HEPHL1: variants seen among roughly 807,000 people sequenced by gnomAD.
HEPHL1 encodes ferroxidase HEPHL1.
HEPHL1 carries 123 observed loss-of-function variants against 122.0 expected under a neutral mutation model. That is an observed-to-expected ratio of 1.01 (90% confidence interval 0.87 to 1.17). HEPHL1 has a LOEUF of 1.17. Ranked by LOEUF, HEPHL1 falls within the 50% of genes most tolerant of loss-of-function variation. The pLI is 0.00. For missense variants in HEPHL1, 1,452 were observed against 1,430.5 expected (o/e 1.01, Z -0.24); for synonymous variants, 527 against 508.9 (o/e 1.04, Z -0.48).
In HEPHL1 at chr11:94,096,231, C is replaced by T. The variant is rs569584714; in HGVS notation, c.2434+2591C>T. 1.4e-3 allele frequency among the ~76,000 whole-genome samples: 211 copies of T among 152,158 alleles called. 1 individual carries two copies. The highest frequency in any genetic ancestry group is 4.5e-3 in the African/African-American group (188 of 41,526). On this transcript the variant is annotated intron_variant, in intron 13 of 19. Transcript: ENST00000315765. ...TTTATTGAGAGTTTTTAGCATGAAG[C>T]GCTGTTGAATTTTTTCTAAGGTCTG...
At chr11:94,111,187 C>T in intron 18 of HEPHL1, 122 bp downstream of exon 18, 4 of 749,408 alleles carry the variant, frequency 5.3e-6, no homozygotes, top group Non-Finnish European at 8.6e-6. Flanking sequence ...GTAAGAGAGA[C>T]ATATATGTAA....
chr11:94,072,406 A>G (rs1388660139), intron 6 of HEPHL1, among the ~76,000 whole-genome samples: 1 of 152,152 alleles, frequency 6.6e-6, no homozygotes, highest in African/African-American at 2.4e-5. Context: ...TGAATGAGTT[A>G]AGGGAATGAA....
At chr11:94,090,349 T>G (rs1946255969) in intron 12 of HEPHL1, among the ~76,000 whole-genome samples, 1 of 152,230 alleles carries the variant, frequency 6.6e-6, no homozygotes, top group African/African-American at 2.4e-5. Flanking sequence ...CTTTGTCATG[T>G]GTACAATCTT....
Position 94,086,076 on chromosome 11 carries a change from T to A in HEPHL1, c.1967T>A (p.Met656Lys). 1 of 1,613,728 alleles carries A rather than the reference T, an allele frequency of 6.2e-7. No individual in the cohort carries two copies. The highest frequency in any genetic ancestry group is 8.5e-7 in the Non-Finnish European group (1 of 1,179,748). The change falls in exon 11 of 20, where the codon ATG (methionine) becomes AAG (lysine). Residue 656 changes from methionine to lysine, a missense_variant. Coordinates refer to ENST00000315765, the MANE Select transcript of HEPHL1 (RefSeq NM_001098672.2). ...ATTGGATTGGGCACTGACACTGACA[T>A]GCATGGAATTGTTTTTCAAGGGAAC... Reference protein sequence around the residue: ...HLIGLGTDTDMHGIVFQGNTI... With the variant: ...HLIGLGTDTDKHGIVFQGNTI...
intron 9 of HEPHL1, among the ~76,000 whole-genome samples, chr11:94,080,715 G>A (rs1946164006): frequency 6.6e-6 from 1 of 152,224 alleles, no homozygotes; most frequent in Admixed American, 6.5e-5. Flanking sequence ...GATCATTAGA[G>A]AAATGCAAAT....
intron 12 of HEPHL1, among the ~76,000 whole-genome samples, chr11:94,091,651 G>C (rs925464627): frequency 1.3e-5 from 2 of 152,210 alleles, no homozygotes; most frequent in African/African-American, 2.4e-5. Context: ...CTATGAGAGG[G>C]GAAGGGTAGA....
At chr11:94,066,009 T>A (rs1167978000) in intron 4 of HEPHL1, among the ~76,000 whole-genome samples, 4 of 150,096 alleles carry the variant, frequency 2.7e-5, no homozygotes, top group Middle Eastern at 3.5e-3. Context: ...CATAGGTAGA[T>A]CCGTTATCTA....
chr11:94,032,922 T>A (rs992025092), intron 1 of HEPHL1, among the ~76,000 whole-genome samples: 4 of 152,086 alleles, frequency 2.6e-5, no homozygotes, highest in Non-Finnish European at 5.9e-5. Flanking sequence ...ATGCCTCACG[T>A]GAGCATGCGT....
intron 1 of HEPHL1, among the ~76,000 whole-genome samples, chr11:94,038,168 G>GA (rs1945742985): frequency 6.6e-6 from 1 of 150,824 alleles, no homozygotes; most frequent in Non-Finnish European, 1.5e-5. Context: ...GAAGTTTAGA[G>GA]AAAAAAGAAT....
intron 13 of HEPHL1, among the ~76,000 whole-genome samples, chr11:94,096,554 C>T (rs1279812914): frequency 6.6e-6 from 1 of 152,120 alleles, no homozygotes; most frequent in African/African-American, 2.4e-5. Flanking sequence ...GGGAGGATTC[C>T]CTCTTTTTCT....
chr11:94,101,060 T>C (rs1946363517), intron 13 of HEPHL1, 135 bp from the exon 14 acceptor site: 14 of 838,756 alleles, frequency 1.7e-5, no homozygotes, highest in Non-Finnish European at 2.7e-5. Context: ...TAAAGTGGAG[T>C]AGAGTTATAT....
chr11:94,082,110 G>A (rs1047575252), intron 9 of HEPHL1, among the ~76,000 whole-genome samples: 5 of 152,208 alleles, frequency 3.3e-5, no homozygotes, highest in East Asian at 1.9e-4. Flanking sequence ...AGGGCTGGCA[G>A]GTCAGGGTAA....
intron 13 of HEPHL1, among the ~76,000 whole-genome samples, chr11:94,095,405 G>T (rs1250752223): frequency 1.3e-5 from 2 of 152,214 alleles, no homozygotes; most frequent in Non-Finnish European, 2.9e-5. Context: ...CAGCCTTGTA[G>T]TACAGTTTGA....
Position 94,067,745 on chromosome 11 carries a change from T to C in HEPHL1, c.1058T>C (p.Leu353Pro). ...WMITCQVSDH[L>P]QAGMLGQYNV... ...ATAACCTGCCAGGTCAGCGACCACC[T>C]ACAAGGTAAAAAGGATAAAGACCAG... is the stretch of plus-strand genomic sequence containing the variant. The change falls in exon 5 of 20, where the codon CTA becomes CCA. Residue 353 changes from leucine (L) to proline (P), a missense_variant. By Grantham distance (98) the Leu-to-Pro change is moderately conservative. Coordinates refer to ENST00000315765, the MANE Select transcript of HEPHL1 (RefSeq NM_001098672.2). 6.2e-7 allele frequency: 1 copy of C among 1,613,238 alleles called. No homozygotes were observed. Among genetic ancestry groups the C allele is most frequent in the Non-Finnish European group, 8.5e-7 (1 of 1,179,586 alleles).
rs201410531 is a variant in HEPHL1, at chr11:94,075,362, G to A, written c.1693G>A (p.Val565Ile). 163 of 1,612,624 alleles carry A rather than the reference G, an allele frequency of 1.0e-4. 1 individual carries two copies. Among genetic ancestry groups the A allele is most frequent in the South Asian group, 8.3e-4 (76 of 91,030 alleles). The change falls in exon 9 of 20, where the codon GTC becomes ATC. Residue 565 changes from valine to isoleucine, a missense_variant. Val to Ile is a conservative substitution (Grantham distance 29). Coordinates refer to ENST00000315765, the MANE Select transcript of HEPHL1 (RefSeq NM_001098672.2). ...GCCTTTGCTAGTCTGTAAAAAGGGC[G>A]TCCTCAATGCTGATGGGACACAGGT... is the stretch of plus-strand genomic sequence containing the variant. ...VGPLLVCKKG[V>I]LNADGTQKGI...
At chr11:94,100,502 A>T (rs1946359887) in intron 13 of HEPHL1, among the ~76,000 whole-genome samples, 1 of 152,248 alleles carries the variant, frequency 6.6e-6, no homozygotes, top group Admixed American at 6.5e-5. Flanking sequence ...TGCACACACC[A>T]GAGGGGCTGA....
chr11:94,042,777 A>G (rs1200250954), intron 1 of HEPHL1, among the ~76,000 whole-genome samples: 1 of 143,532 alleles, frequency 7.0e-6, no homozygotes, highest in African/African-American at 2.5e-5. Flanking sequence ...CTAATGCTAG[A>G]TGACGAGTTA....
intron 15 of HEPHL1, among the ~76,000 whole-genome samples, chr11:94,104,159 G>T (rs1415529121): frequency 6.6e-6 from 1 of 152,116 alleles, no homozygotes; most frequent in Non-Finnish European, 1.5e-5. Context: ...GGAAGTAGAG[G>T]GAGTGTTTGG....
chr11:94,074,680 G>A (rs1157322479), intron 8 of HEPHL1, among the ~76,000 whole-genome samples: 1 of 152,082 alleles, frequency 6.6e-6, no homozygotes, highest in Non-Finnish European at 1.5e-5. Context: ...TCCCAGATTT[G>A]CTATATATCA....
Sources: gnomAD v4.1 joint callset for allele counts (sites outside exome capture counted in the v4.1 genomes callset) on GRCh38, gnomAD v4.1.1 for gene constraint, MANE v1.5 for transcripts, NCBI Gene and HGNC (gene_info 2026-07-23, HGNC 2026-07-21) for gene names.